BRD7: variants seen among roughly 807,000 people sequenced by gnomAD.
BRD7 encodes bromodomain containing 7.
Under a neutral mutation model 82.1 loss-of-function variants are expected in BRD7, and 15 were observed. The observed-to-expected ratio is 0.18, with a 90% confidence interval of 0.12 to 0.28. BRD7 has a LOEUF of 0.28. Ranked by LOEUF, BRD7 falls within the 10% of genes least tolerant of loss-of-function variation. The probability of loss-of-function intolerance (pLI) is 1.00; values close to 1 mark genes in which losing one functional copy is unlikely to be tolerated. For missense variants in BRD7, 638 were observed against 779.9 expected (o/e 0.82, Z 2.17); for synonymous variants, 232 against 266.9 (o/e 0.87, Z 1.27).
At position 50,325,829 on chromosome 16, in the gene BRD7, G is replaced by A. The variant is rs1322529499; in HGVS notation, c.1250C>T (p.Thr417Ile). The A allele has an allele frequency of 6.2e-7, 1 of 1,612,390 alleles. No individual in the cohort carries two copies. The highest frequency in any genetic ancestry group is 2.2e-5 in the East Asian group (1 of 44,832). Residue 417 changes from threonine (T) to isoleucine (I), a missense_variant, in exon 11 of 17, where the codon ACA becomes ATA. This residue lies in a region of BRD7 where 402 missense variants were observed against 500.8 expected (regional missense o/e 0.80). Coordinates refer to ENST00000394688, the MANE Select transcript of BRD7 (RefSeq NM_013263.5). ...ATCATCCTTGCTGATATTTGCAAAT[G>A]TGGAGTCATAATGCGGTGCATAAGA... is the stretch of plus-strand genomic sequence containing the variant. ...YSSYAPHYDSTFANISKDDSD... is the reference protein window; with the variant it reads ...YSSYAPHYDSIFANISKDDSD...
intron 12 of BRD7, among the ~76,000 whole-genome samples, chr16:50,323,319 C>T (rs1463940047): frequency 6.6e-6 from 1 of 152,236 alleles, no homozygotes. Context: ...ACAATGCCCA[C>T]TGACTTCTGA....
intron 2 of BRD7, among the ~76,000 whole-genome samples, chr16:50,367,214 A>G (rs945891503): frequency 6.6e-6 from 1 of 152,226 alleles, no homozygotes; most frequent in Admixed American, 6.5e-5. Flanking sequence ...AAAGTTAATA[A>G]CAGTAATAAC....
intron 13 of BRD7, 77 bp from the exon 14 acceptor site, chr16:50,320,851 G>A: frequency 2.0e-6 from 2 of 984,892 alleles, no homozygotes; most frequent in Non-Finnish European, 3.2e-6. Flanking sequence ...TACTCAGATG[G>A]CATGTATTTA....
chr16:50,342,181 A>C (rs28408597), intron 5 of BRD7, among the ~76,000 whole-genome samples: 1 of 150,014 alleles, frequency 6.7e-6, no homozygotes, highest in Non-Finnish European at 1.5e-5. Flanking sequence ...GCAGAAAAAA[A>C]ACAAAAAACA....
intron 2 of BRD7, among the ~76,000 whole-genome samples, chr16:50,358,654 T>C (rs1376475562): frequency 6.6e-6 from 1 of 152,142 alleles, no homozygotes; most frequent in Non-Finnish European, 1.5e-5. Flanking sequence ...AATCATAAAC[T>C]AGCCAAGTGG....
rs1000379099 is a variant in BRD7 at position 50,368,488 on chromosome 16, G to A, written c.50-190C>T. 3.2e-5 allele frequency: 24 copies of A among 757,478 alleles called. 1 individual carries two copies. The Admixed American group carries it at 4.7e-4, about 15-fold the overall frequency. 46.9% of individuals were successfully genotyped at this position (757,478 alleles called of 1,614,324 possible). On this transcript the variant is annotated intron_variant, in intron 1 of 16. Transcript: ENST00000394688. ...CGCCGCCCGCCCCGAACGCTCCCAGGCCTCCCGGGCCCGCCTCACGTCTCC... is the reference window on the plus strand; with the variant it reads ...CGCCGCCCGCCCCGAACGCTCCCAGACCTCCCGGGCCCGCCTCACGTCTCC...
chr16:50,338,489 T>C (rs576787637), intron 6 of BRD7, among the ~76,000 whole-genome samples: 2 of 152,324 alleles, frequency 1.3e-5, no homozygotes, highest in East Asian at 3.9e-4. Flanking sequence ...GAAAAATGAA[T>C]CACCATAAAA....
Position 50,320,241 on chromosome 16 carries a change from A to AACAT in BRD7, c.1756+3_1756+6dup. 6.2e-7 allele frequency: 1 copy of AACAT among 1,609,330 alleles called. No homozygotes were observed. The highest frequency in any genetic ancestry group is 1.3e-5 in the African/African-American group (1 of 74,628). On this transcript the variant is annotated splice_region_variant and intron_variant, in intron 15 of 16. Transcript: ENST00000394688. ...GTGACTCTCCTCTTATGGGAGGCAAAACATACCAAGATGCATTTCTCTGTA... is the reference window on the plus strand; with the variant it reads ...GTGACTCTCCTCTTATGGGAGGCAAAACATACATACCAAGATGCATTTCTCTGTA...
chr16:50,330,951 A>C (rs1013250214), intron 8 of BRD7, among the ~76,000 whole-genome samples: 8 of 152,170 alleles, frequency 5.3e-5, no homozygotes, highest in African/African-American at 1.9e-4. Context: ...AATTCTATAT[A>C]CATAGTATAT....
At chr16:50,349,320 C>T (rs2038419889) in intron 5 of BRD7, 1 of 311,570 alleles carries the variant, frequency 3.2e-6, no homozygotes, top group Non-Finnish European at 6.2e-6. Flanking sequence ...GGGTTCAGCG[C>T]ACCAACATGG....
At chr16:50,354,550 TCA>T in intron 3 of BRD7, 68 bp from the exon 4 acceptor site, 1 of 1,339,338 alleles carries the variant, frequency 7.5e-7, no homozygotes, top group Non-Finnish European at 1.0e-6. Flanking sequence ...ATTTACTAGA[TCA>T]TTTTCTACAA....
At chr16:50,330,088 A>C (rs958388806) in intron 8 of BRD7, among the ~76,000 whole-genome samples, 6 of 152,204 alleles carry the variant, frequency 3.9e-5, no homozygotes, top group Non-Finnish European at 8.8e-5. Flanking sequence ...TTTTCCTCAC[A>C]GAATACCAAG....
chr16:50,325,777 C>T lies in BRD7; in HGVS notation c.1302G>A (p.Gly434=). The T allele has an allele frequency of 6.2e-7, 1 of 1,605,200 alleles. No homozygotes were observed. Among genetic ancestry groups the T allele is most frequent in the Non-Finnish European group, 8.5e-7 (1 of 1,177,978 alleles). ...AATCACTTGGAAGATCAGAGTCTTC[C>T]CCATAGGTTGAATAGATTAAATCAG... ...DDSDLIYSTY[G]EDSDLPSDFS... The change falls in exon 11 of 17, where the codon GGG becomes GGA. Residue 434 remains glycine (G), a synonymous_variant. Transcript: ENST00000394688.
At chr16:50,320,215 C>T (rs776578792) in intron 15 of BRD7, 33 bp downstream of exon 15, 16 of 1,593,248 alleles carry the variant, frequency 1.0e-5, no homozygotes, top group Non-Finnish European at 1.2e-5. Context: ...TGAAGCATCC[C>T]GTGACTCTCC....
rs1488835059 is a variant in BRD7 at position 50,333,632 on chromosome 16, A to G, written c.953T>C (p.Leu318Pro). The G allele has an allele frequency of 2.2e-5, 36 of 1,611,696 alleles. No individual in the cohort carries two copies. Among genetic ancestry groups the G allele is most frequent in the Non-Finnish European group, 2.9e-5 (34 of 1,179,688 alleles). Residue 318 changes from leucine to proline, a missense_variant, in exon 8 of 17, where the codon CTT (leucine) becomes CCT (proline). Coordinates refer to ENST00000394688, the MANE Select transcript of BRD7 (RefSeq NM_013263.5). Reference sequence around the variant, plus strand: ...TCCAGATTCCTTCACGATGCGGTCAAGCTGCTCCTGCTCTCTCTCTAAATT... The same window carrying G: ...TCCAGATTCCTTCACGATGCGGTCAGGCTGCTCCTGCTCTCTCTCTAAATT... ...SNNLEREQEQ[L>P]DRIVKESGGK...
chr16:50,359,810 G>A (rs895054443), intron 2 of BRD7, among the ~76,000 whole-genome samples: 4 of 151,496 alleles, frequency 2.6e-5, no homozygotes, highest in African/African-American at 9.7e-5. Context: ...TTTCCATGAG[G>A]AAGTAACATC....
Position 50,340,492 on chromosome 16 carries a change from C to T in BRD7, c.592-406G>A, listed in dbSNP as rs573411691. ...ATATTACTCCTAGCTTTAAAACAAACATCTTAAATTTCCATTTAGGAATTG... is the reference window on the plus strand; with the variant it reads ...ATATTACTCCTAGCTTTAAAACAAATATCTTAAATTTCCATTTAGGAATTG... On this transcript the variant is annotated intron_variant, in intron 5 of 16. Coordinates refer to ENST00000394688, the MANE Select transcript of BRD7 (RefSeq NM_013263.5). Among the ~76,000 whole-genome samples, 9 of 152,254 alleles carry T rather than the reference C, an allele frequency of 5.9e-5. No homozygotes were observed. The South Asian group carries it at 1.4e-3, about 25-fold the overall frequency.
chr16:50,362,122 G>A (rs926879369), intron 2 of BRD7, among the ~76,000 whole-genome samples: 3 of 152,296 alleles, frequency 2.0e-5, no homozygotes, highest in African/African-American at 7.2e-5. Context: ...TTACATCACT[G>A]TATTTTGATT....
intron 3 of BRD7, 64 bp downstream of exon 3, chr16:50,354,729 T>C: frequency 6.4e-7 from 1 of 1,550,748 alleles, no homozygotes; most frequent in Non-Finnish European, 8.7e-7. Context: ...AACCCCACCA[T>C]TTTCCTGAGC....
Sources: allele counts gnomAD v4.1 joint callset (sites outside exome capture counted in the v4.1 genomes callset), GRCh38; gene constraint gnomAD v4.1.1; regional missense constraint gnomAD v4.1.1; transcripts MANE v1.5; gene names NCBI Gene and HGNC (gene_info 2026-07-23, HGNC 2026-07-21).